The following DRC3 variants were observed in gnomAD, a reference collection of about 807,000 sequenced individuals.
DRC3 encodes the protein leucine rich repeat containing 48.
DRC3 carries 45 observed loss-of-function variants against 57.6 expected under a neutral mutation model. The observed-to-expected ratio is 0.78, with a 90% CI of 0.62 to 1.00. The LOEUF is 1.00. DRC3 is among the 50% of genes least tolerant of loss of function. The pLI is 0.00. For missense variants in DRC3, 655 were observed against 675.2 expected, an observed-to-expected ratio of 0.97 and a Z score of 0.33; for synonymous variants, 257 against 272.3, an observed-to-expected ratio of 0.94 and a Z score of 0.55.
rs1433203887 is a variant in DRC3 at position 17,991,570 on chromosome 17, A to AC, written c.445-1194dup. Among the ~76,000 whole-genome samples, 6 of 152,114 alleles carry AC rather than the reference A, an allele frequency of 3.9e-5. No individual in the cohort carries two copies. The South Asian group carries it at 1.3e-3, about 32-fold the overall frequency. ...CTCAGCCTCCCATAGTGTTGGGATT[A>AC]CAGGCGTGAGCCTTGTACCCGGCCA... On this transcript the variant is annotated intron_variant, in intron 5 of 13. Coordinates refer to ENST00000399187, the MANE Select transcript of DRC3 (RefSeq NM_031294.4).
rs2042254119 is a variant in DRC3 at position 17,973,870 on chromosome 17, A to T, written c.-110A>T. 6.6e-6 allele frequency: 1 copy of T among 152,230 alleles called. No homozygotes were observed. Among genetic ancestry groups the T allele is most frequent in the Non-Finnish European group, 1.5e-5 (1 of 68,046 alleles). The allele number at this position is 152,230 out of a possible 1,614,324, so 9.4% of individuals were successfully genotyped here. ...TTCCCAGGAAAATTCTGGATCTGTT[A>T]TCTGTGAGGAGGCCACTCCGTTGAC... On this transcript the variant is annotated 5_prime_UTR_variant, in exon 2 of 14. Transcript: ENST00000399187.
intron 4 of DRC3, among the ~76,000 whole-genome samples, chr17:17,987,214 C>CAAAAA (rs1046062123): frequency 3.3e-4 from 15 of 45,192 alleles, no homozygotes; most frequent in Non-Finnish European, 5.1e-4. Context: ...GACCCTGTCT[C>CAAAAA]AAAAAAAAAA....
At chr17:17,990,812 C>T (rs1597587743) in intron 5 of DRC3, among the ~76,000 whole-genome samples, 3 of 152,190 alleles carry the variant, frequency 2.0e-5, no homozygotes, top group Middle Eastern at 3.4e-3. Context: ...GCCAACATGG[C>T]GAAACCCGTC....
rs778948276 is a variant in DRC3, at chr17:17,992,781, G to A, written c.461G>A (p.Arg154Gln). ...DNMMNIIYLR[R>Q]FKCLRTLSLS... ...TCTCCCCAGATCATCTACCTCCGGC[G>A]GTTCAAGTGCCTGCGGACGCTCAGC... Residue 154 changes from arginine (R) to glutamine (Q), a missense_variant, in exon 6 of 14, where the codon CGG (arginine) becomes CAG (glutamine). Transcript: ENST00000399187. 9.9e-6 allele frequency: 16 copies of A among 1,613,418 alleles called. No homozygotes were observed. Among genetic ancestry groups the A allele is most frequent in the African/African-American group, 4.0e-5 (3 of 74,882 alleles).
intron 5 of DRC3, chr17:17,988,466 CA>C: frequency 4.7e-6 from 1 of 214,454 alleles, no homozygotes; most frequent in Non-Finnish European, 9.4e-6. Context: ...GACCAGCACA[CA>C]CCCCCATAGT....
At chr17:18,004,691 T>G in intron 10 of DRC3, 197 bp downstream of exon 10, 1 of 596,186 alleles carries the variant, frequency 1.7e-6, no homozygotes, top group African/African-American at 1.9e-5. Context: ...GTGATTCTTG[T>G]GGAAAATGAG....
chr17:17,997,977 G>A (rs2043533965), intron 9 of DRC3, among the ~76,000 whole-genome samples: 1 of 152,208 alleles, frequency 6.6e-6, no homozygotes, highest in Admixed American at 6.5e-5. Flanking sequence ...TATTTTGACA[G>A]TAATGATTAC....
chr17:17,993,938 G>GTC, intron 6 of DRC3: 4 of 263,950 alleles, frequency 1.5e-5, no homozygotes, highest in South Asian at 4.0e-5. Flanking sequence ...GCCTGCTGAG[G>GTC]GCTGTTGGGA....
In DRC3 at chr17:18,006,006, CT is replaced by C. The variant is rs1208875811; in HGVS notation, c.1132-174del. 9 of 604,618 alleles carry C rather than the reference CT, an allele frequency of 1.5e-5. No individual in the cohort carries two copies. The East Asian group carries it at 2.5e-4, about 17-fold the overall frequency. 37.5% of individuals were successfully genotyped at this position (604,618 alleles called of 1,614,324 possible). On this transcript the variant is annotated intron_variant, in intron 10 of 13. Transcript: ENST00000399187. ...AGTTAATATGGTTGGAGAACAACAA[CT>C]TTAGAGAGAGCAGAGGGGTCAGTTC...
intron 9 of DRC3, among the ~76,000 whole-genome samples, chr17:18,001,761 T>C (rs891265416): frequency 2.0e-5 from 3 of 152,106 alleles, no homozygotes; most frequent in Non-Finnish European, 4.4e-5. Context: ...TAAGACCCCA[T>C]CTTAAAAGTA....
chr17:18,007,104 T>A lies in DRC3; in HGVS notation c.1283T>A (p.Val428Asp). 8.6e-7 allele frequency: 1 copy of A among 1,158,924 alleles called. No individual in the cohort carries two copies. The highest frequency in any genetic ancestry group is 1.1e-6 in the Non-Finnish European group (1 of 921,818). 71.8% of individuals were successfully genotyped at this position (1,158,924 alleles called of 1,614,324 possible). A position where few individuals can be genotyped will look rare whatever the true frequency, so the allele number is the denominator to read the frequency against. Residue 428 changes from valine to aspartate, a missense_variant, in exon 12 of 14, where the codon GTC (valine) becomes GAC (aspartate). Coordinates refer to ENST00000399187, the MANE Select transcript of DRC3 (RefSeq NM_031294.4). ...EISISTLEKI[V>D]EGDLDEDLPN... ...TCTATCAGCACCCTGGAGAAGATTG[T>A]CGAGGGCGACCTGGACGAGGACCTG... is the stretch of plus-strand genomic sequence containing the variant.
chr17:17,995,189 TCA>T, intron 8 of DRC3, 78 bp downstream of exon 8: 1 of 945,724 alleles, frequency 1.1e-6, no homozygotes, highest in South Asian at 1.4e-5. Context: ...GCTCTAGGCC[TCA>T]GTTTCTTCAT....
Position 17,983,897 on chromosome 17 carries a change from T to A in DRC3, c.230T>A (p.Ile77Asn). 2 of 1,613,506 alleles carry A rather than the reference T, an allele frequency of 1.2e-6. No individual in the cohort carries two copies. The highest frequency in any genetic ancestry group is 8.5e-7 in the Non-Finnish European group (1 of 1,179,606). ...LRKLQLDNNIIEKIEGLENLA... is the reference protein window; with the variant it reads ...LRKLQLDNNINEKIEGLENLA... ...AAGCTGCAGCTGGACAATAACATCA[T>A]TGAGAAGATCGAGGGCCTGGAGAAC... Residue 77 changes from isoleucine to asparagine, a missense_variant, in exon 4 of 14, where the codon ATT becomes AAT. Physicochemically the swap from Ile to Asn is moderately radical, Grantham distance 149 (BLOSUM62 -3). Transcript: ENST00000399187.
At chr17:17,990,092 C>T (rs2043157358) in intron 5 of DRC3, among the ~76,000 whole-genome samples, 1 of 152,176 alleles carries the variant, frequency 6.6e-6, no homozygotes, top group Non-Finnish European at 1.5e-5. Flanking sequence ...ACACGGGCTT[C>T]CTTGTCTGCA....
intron 3 of DRC3, among the ~76,000 whole-genome samples, chr17:17,979,320 C>T (rs1019101029): frequency 3.9e-5 from 6 of 152,090 alleles, no homozygotes; most frequent in African/African-American, 1.2e-4. Flanking sequence ...GTGGGGACCC[C>T]GGGAGGGTCC....
chr17:18,002,421 A>C (rs1308416898), intron 9 of DRC3, among the ~76,000 whole-genome samples: 1 of 152,210 alleles, frequency 6.6e-6, no homozygotes, highest in Non-Finnish European at 1.5e-5. Flanking sequence ...GTGGTAACCC[A>C]GGCCCTTTGC....
chr17:17,982,518 A>G (rs998317366), intron 3 of DRC3, among the ~76,000 whole-genome samples: 3 of 151,044 alleles, frequency 2.0e-5, no homozygotes, highest in Non-Finnish European at 4.4e-5. Context: ...CCTGGCCCAC[A>G]GCACCAATTT....
At chr17:17,987,834 T>G (rs1040294350) in intron 4 of DRC3, 98 bp from the exon 5 acceptor site, 40 of 1,295,934 alleles carry the variant, frequency 3.1e-5, no homozygotes, top group Non-Finnish European at 4.2e-5. Flanking sequence ...AGCTTGGTGC[T>G]GGCTCACAGG....
intron 5 of DRC3, 127 bp downstream of exon 5, chr17:17,988,225 G>GCTTTT: frequency 9.6e-7 from 1 of 1,046,570 alleles, no homozygotes; most frequent in Non-Finnish European, 1.4e-6. Context: ...TCCTGGAAAA[G>GCTTTT]CCAGGAATCT....
Sources: gnomAD v4.1 joint callset for allele counts (sites outside exome capture counted in the v4.1 genomes callset) on GRCh38, gnomAD v4.1.1 for gene constraint, MANE v1.5 for transcripts, NCBI Gene and HGNC (gene_info 2026-07-23, HGNC 2026-07-21) for gene names.